Variants in FUT8 observed in about 807,000 individuals in gnomAD.
FUT8 encodes the protein alpha-(1,6)-fucosyltransferase.
In FUT8, 29 loss-of-function variants were observed where a neutral mutation model predicts 71.3. The observed-to-expected ratio is 0.41, with a 90% CI of 0.30 to 0.55. The LOEUF (loss-of-function observed/expected upper bound fraction) is 0.55, where lower values mean the gene tolerates loss of function less well. Ranked by LOEUF, FUT8 falls within the 20% of genes least tolerant of loss-of-function variation. The pLI is 0.34. For synonymous variants in FUT8, 254 were observed against 239.3 expected (o/e 1.06, Z -0.57); for missense variants, 544 against 702.1 (o/e 0.77, Z 2.55).
chr14:65,470,836 G>C (rs536134984), intron 2 of FUT8, among the ~76,000 whole-genome samples: 2 of 152,064 alleles, frequency 1.3e-5, no homozygotes, highest in East Asian at 3.9e-4. Flanking sequence ...CCTCAGCTCT[G>C]CATCGGTCTG....
At position 65,576,696 on chromosome 14, in the gene FUT8, CTTTTTTTTTTTTTTTTTTTTTTT is replaced by C. The variant is rs376473739; in HGVS notation, c.203+14949_203+14971del. On this transcript the variant is annotated intron_variant, in intron 3 of 10. Transcript: ENST00000673929. ...GGTGTGTGCCATGATGCCCAGCTTG[CTTTTTTTTTTTTTTTTTTTTTTT>C]TTTTTTTTTTTTTTTTTTGAGACAG... Among the ~76,000 whole-genome samples, 861 of 96,184 alleles carry C rather than the reference CTTTTTTTTTTTTTTTTTTTTTTT, an allele frequency of 9.0e-3. 23 individuals carry two copies. Among genetic ancestry groups the C allele is most frequent in the African/African-American group, 0.042 (665 of 15,876 alleles). 63.1% of individuals were successfully genotyped at this position (96,184 alleles called of 152,430 possible).
At chr14:65,653,350 G>T (rs573709851) in intron 6 of FUT8, among the ~76,000 whole-genome samples, 7 of 152,150 alleles carry the variant, frequency 4.6e-5, no homozygotes, top group Admixed American at 4.6e-4. Flanking sequence ...TCTGACTGAA[G>T]GATGCAAGCA....
At chr14:65,618,829 C>T (rs111400295) in intron 5 of FUT8, among the ~76,000 whole-genome samples, 21 of 152,226 alleles carry the variant, frequency 1.4e-4, no homozygotes, top group African/African-American at 4.8e-4. Flanking sequence ...GAGGCTGCCA[C>T]CTGGGTATGG....
chr14:65,566,009 C>G (rs1158795206), intron 3 of FUT8, among the ~76,000 whole-genome samples: 1 of 151,660 alleles, frequency 6.6e-6, no homozygotes, highest in Non-Finnish European at 1.5e-5. Flanking sequence ...TTTATTTGCT[C>G]TTGATTTTTC....
At chr14:65,738,673 A>G (rs1896344534) in intron 10 of FUT8, among the ~76,000 whole-genome samples, 1 of 152,060 alleles carries the variant, frequency 6.6e-6, no homozygotes, top group Non-Finnish European at 1.5e-5. Flanking sequence ...TGTGATTTGA[A>G]CTTTTAAACC....
chr14:65,659,563 C>T (rs1321024891), intron 6 of FUT8, among the ~76,000 whole-genome samples: 1 of 152,142 alleles, frequency 6.6e-6, no homozygotes, highest in Admixed American at 6.5e-5. Flanking sequence ...TCATCTTTTA[C>T]ACTTGATCTT....
At chr14:65,460,223 G>A (rs982674537) in intron 2 of FUT8, among the ~76,000 whole-genome samples, 2 of 152,150 alleles carry the variant, frequency 1.3e-5, no homozygotes, top group African/African-American at 2.4e-5. Flanking sequence ...CTGCACATTC[G>A]CTGAGCAGAG....
intron 7 of FUT8, among the ~76,000 whole-genome samples, chr14:65,674,473 T>G (rs1892617222): frequency 6.6e-6 from 1 of 152,220 alleles, no homozygotes; most frequent in Non-Finnish European, 1.5e-5. Flanking sequence ...GTTATCCTTT[T>G]ATTCTGAGAT....
upstream of FUT8, chr14:65,411,414 T>C (rs1160181575): frequency 6.5e-6 from 1 of 153,022 alleles, no homozygotes; most frequent in Non-Finnish European, 1.5e-5. Context: ...CCTCACAACC[T>C]GAGCTGCTTG....
chr14:65,580,179 T>G (rs934694769), intron 3 of FUT8, among the ~76,000 whole-genome samples: 1 of 151,080 alleles, frequency 6.6e-6, no homozygotes, highest in Non-Finnish European at 1.5e-5. Flanking sequence ...AGAGTATACT[T>G]ACATCATAGA....
rs553369569 is a variant in FUT8, at chr14:65,740,079, C to G, written c.1411-2014C>G. 1.5e-4 allele frequency among the ~76,000 whole-genome samples: 23 copies of G among 152,024 alleles called. No homozygotes were observed. In the East Asian group the frequency reaches 3.9e-3, roughly 26 times the overall value. The stretch of plus-strand genomic sequence containing the variant: ...TTAATTTTGCTTGCCTTCTATGAGC[C>G]TTTGGCTGAATTTGAAATTCAAAAG... On this transcript the variant is annotated intron_variant, in intron 10 of 10. Coordinates refer to ENST00000673929, the MANE Select transcript of FUT8 (RefSeq NM_001371533.1).
intron 1 of FUT8, among the ~76,000 whole-genome samples, chr14:65,426,898 G>T (rs573884751): frequency 4.0e-5 from 6 of 151,652 alleles, no homozygotes; most frequent in African/African-American, 7.3e-5. Context: ...TCTCTTTGTC[G>T]CCCAGGCTGG....
chr14:65,357,881 A>G, the FUT8 span, among the ~76,000 whole-genome samples: 1 of 152,250 alleles, frequency 6.6e-6, no homozygotes, highest in Non-Finnish European at 1.5e-5. Flanking sequence ...TTGCAATTTA[A>G]TAGTGACTTC....
intron 2 of FUT8, among the ~76,000 whole-genome samples, chr14:65,545,901 A>G (rs531905867): frequency 6.6e-6 from 1 of 151,954 alleles, no homozygotes; most frequent in South Asian, 2.1e-4. Flanking sequence ...TATATAATAA[A>G]TGCTGTTGAA....
At chr14:65,469,312 A>AT (rs1030029145) in intron 2 of FUT8, among the ~76,000 whole-genome samples, 5 of 151,902 alleles carry the variant, frequency 3.3e-5, no homozygotes, top group Admixed American at 6.6e-5. Flanking sequence ...GTGCCTCATA[A>AT]TTTTTTTTCA....
chr14:65,414,172 A>G (rs1249090031), intron 1 of FUT8, among the ~76,000 whole-genome samples: 1 of 152,236 alleles, frequency 6.6e-6, no homozygotes, highest in Non-Finnish European at 1.5e-5. Flanking sequence ...TTTGCGGAAC[A>G]AATTCAACAC....
chr14:65,419,328 A>T (rs1047036188), intron 1 of FUT8, among the ~76,000 whole-genome samples: 1 of 146,212 alleles, frequency 6.8e-6, no homozygotes, highest in Non-Finnish European at 1.5e-5. Flanking sequence ...ACTGTAATGT[A>T]AAAAAAAAAA....
chr14:65,540,070 G>T (rs1884585879), intron 2 of FUT8, among the ~76,000 whole-genome samples: 2 of 152,138 alleles, frequency 1.3e-5, no homozygotes, highest in South Asian at 2.1e-4. Flanking sequence ...GGCCACACTC[G>T]ACAGATGGCC....
At chr14:65,498,185 G>T (rs750832555) in intron 2 of FUT8, among the ~76,000 whole-genome samples, 2 of 152,156 alleles carry the variant, frequency 1.3e-5, no homozygotes, top group East Asian at 3.9e-4. Context: ...AGTCTCACTC[G>T]ACTTTTTAGG....
Sources: allele counts gnomAD v4.1 joint callset (sites outside exome capture counted in the v4.1 genomes callset), GRCh38; gene constraint gnomAD v4.1.1; transcripts MANE v1.5; gene names NCBI Gene and HGNC (gene_info 2026-07-23, HGNC 2026-07-21).